The following CACNA1C variants were observed in gnomAD, a reference collection of about 807,000 sequenced individuals.
CACNA1C encodes the protein calcium voltage-gated channel subunit alpha1 C.
A neutral mutation model predicts 229.0 loss-of-function variants in CACNA1C; 30 were observed. The ratio of observed to expected loss-of-function variants is 0.13; its 90% CI spans 0.10 to 0.18. The LOEUF is 0.18. Among genes scored for constraint, CACNA1C ranks in the 10% least tolerant of loss-of-function variants. The pLI is 1.00. For synonymous variants in CACNA1C, 1,114 were observed against 1,132.5 expected (o/e 0.98, Z 0.33); for missense variants, 1,658 against 2,845.0 (o/e 0.58, Z 9.49).
At chr12:2,166,651 G>A (rs1001035236) in intron 3 of CACNA1C, among the ~76,000 whole-genome samples, 4 of 152,228 alleles carry the variant, frequency 2.6e-5, no homozygotes, top group African/African-American at 7.2e-5. Flanking sequence ...CCCTCATAGC[G>A]TTGTTAGGAG....
At chr12:2,329,721 T>G (rs2154513486) in intron 3 of CACNA1C, among the ~76,000 whole-genome samples, 1 of 152,304 alleles carries the variant, frequency 6.6e-6, no homozygotes, top group African/African-American at 2.4e-5. Flanking sequence ...CTTTATGAAG[T>G]TCACATTAGA....
chr12:2,257,543 G>C (rs1179911066), intron 3 of CACNA1C, among the ~76,000 whole-genome samples: 3 of 152,240 alleles, frequency 2.0e-5, no homozygotes, highest in Non-Finnish European at 4.4e-5. Flanking sequence ...TGCTGCTGCT[G>C]ATCTGACAGG....
At chr12:2,358,325 G>T (rs1168274697) in intron 3 of CACNA1C, among the ~76,000 whole-genome samples, 1 of 148,336 alleles carries the variant, frequency 6.7e-6, no homozygotes, top group African/African-American at 2.5e-5. Context: ...GTCATCTTCA[G>T]CATATCCAGT....
At chr12:2,445,652 G>A (rs780242377) in intron 3 of CACNA1C, among the ~76,000 whole-genome samples, 1 of 152,086 alleles carries the variant, frequency 6.6e-6, no homozygotes, top group Non-Finnish European at 1.5e-5. Flanking sequence ...CAGTAAACCT[G>A]TACCCAAGTG....
intron 45 of CACNA1C, 76 bp from the exon 46 acceptor site, chr12:2,688,371 G>A: frequency 7.2e-7 from 1 of 1,379,600 alleles, no homozygotes; most frequent in South Asian, 1.2e-5. Flanking sequence ...GCAAAGCAGT[G>A]CTTGCTCAGA....
chr12:2,403,972 G>A lies in CACNA1C; in HGVS notation c.478-45004G>A, dbSNP rs2098707556. Among the ~76,000 whole-genome samples, 1 of 152,194 alleles carries A rather than the reference G, an allele frequency of 6.6e-6. No individual in the cohort carries two copies. Among genetic ancestry groups the A allele is most frequent in the African/African-American group, 2.4e-5 (1 of 41,440 alleles). On this transcript the variant is annotated intron_variant, in intron 3 of 46. Transcript: ENST00000399655. This position sits in a 1 kb window ranked among gnomAD's most constrained non-coding sequence, Gnocchi z 4.1. ...GAAATCCTCTAGTCAGAATGTCCTT[G>A]CTGTGTACCAGGGCACACTGTGGGC...
intron 30 of CACNA1C, 45 bp from the exon 31 acceptor site, chr12:2,648,430 A>G (rs1283326941): frequency 6.3e-7 from 1 of 1,592,438 alleles, no homozygotes; most frequent in Admixed American, 1.7e-5. Flanking sequence ...GGGCATCTTC[A>G]TGGGAGACTC....
chr12:2,030,180 T>C (rs2429145), intron 1 of CACNA1C, among the ~76,000 whole-genome samples: 7,288 of 152,230 alleles, frequency 0.048, 592 homozygotes, highest in African/African-American at 0.17. Context: ...GGTGAATTTC[T>C]TGTCTATAAA....
intron 3 of CACNA1C, among the ~76,000 whole-genome samples, chr12:2,417,939 C>A (rs1157200035): frequency 3.3e-5 from 5 of 152,142 alleles, no homozygotes; most frequent in African/African-American, 4.8e-5. Context: ...TGTGCGGGGC[C>A]TCCCAGGTAC....
At chr12:2,267,794 C>G (rs2082971899) in intron 3 of CACNA1C, among the ~76,000 whole-genome samples, 2 of 152,134 alleles carry the variant, frequency 1.3e-5, no homozygotes, top group South Asian at 4.2e-4. Flanking sequence ...GAGGAAGGAG[C>G]CTGCTGGAAT....
rs9783453 is a variant in CACNA1C at position 2,059,570 on chromosome 12, A to G, written c.49+5959A>G. On this transcript the variant is annotated intron_variant, in intron 1 of 46. Transcript: ENST00000399655. Reference sequence around the variant, plus strand: ...GAACAGTTCTCTGCAAAACACCTTCACTTTAAAATGGGCTTCTTGTGCTAT... The same window carrying G: ...GAACAGTTCTCTGCAAAACACCTTCGCTTTAAAATGGGCTTCTTGTGCTAT... Among the ~76,000 whole-genome samples, 89 of 152,084 alleles carry G rather than the reference A, an allele frequency of 5.9e-4. 1 individual carries two copies. Among genetic ancestry groups the G allele is most frequent in the African/African-American group, 1.9e-3 (77 of 41,462 alleles).
Position 2,142,987 on chromosome 12 carries a change from G to T in CACNA1C, c.477+22557G>T, listed in dbSNP as rs79293664. Reference sequence around the variant, plus strand: ...AGAAAATCTTTAAATTTTTTTTTTTGTTTTTTGAGACGGAGTCTCTCTCTG... The same window carrying T: ...AGAAAATCTTTAAATTTTTTTTTTTTTTTTTTGAGACGGAGTCTCTCTCTG... On this transcript the variant is annotated intron_variant, in intron 3 of 46. Coordinates refer to ENST00000399655, the MANE Select transcript of CACNA1C (RefSeq NM_000719.7). Among the ~76,000 whole-genome samples, 1,441 of 147,710 alleles carry T rather than the reference G, an allele frequency of 9.8e-3. 29 individuals carry two copies. Among genetic ancestry groups the T allele is most frequent in the African/African-American group, 0.033 (1,343 of 40,438 alleles).
intron 5 of CACNA1C, among the ~76,000 whole-genome samples, chr12:2,460,637 T>C (rs968613747): frequency 1.3e-5 from 2 of 152,178 alleles, no homozygotes; most frequent in Non-Finnish European, 2.9e-5. Flanking sequence ...GTAACACTCC[T>C]AGGAATTCTC....
chr12:2,123,193 G>A (rs565867548), intron 3 of CACNA1C, among the ~76,000 whole-genome samples: 89 of 152,098 alleles, frequency 5.9e-4, no homozygotes, highest in African/African-American at 2.1e-3. Flanking sequence ...TGGCTAACAC[G>A]GTAAAACCCC....
intron 3 of CACNA1C, among the ~76,000 whole-genome samples, chr12:2,210,241 C>T (rs2097878978): frequency 6.6e-6 from 1 of 152,114 alleles, no homozygotes; most frequent in Admixed American, 6.5e-5. Context: ...TGGGGTATGC[C>T]TATGTTTCAA....
intron 3 of CACNA1C, among the ~76,000 whole-genome samples, chr12:2,305,596 C>T (rs1444184706): frequency 3.3e-5 from 5 of 152,188 alleles, no homozygotes; most frequent in Non-Finnish European, 7.3e-5. Flanking sequence ...GTAGTCCCAG[C>T]TCTTTGGGAG....
intron 3 of CACNA1C, among the ~76,000 whole-genome samples, chr12:2,237,377 C>T (rs979474171): frequency 6.6e-6 from 1 of 152,152 alleles, no homozygotes; most frequent in African/African-American, 2.4e-5. Context: ...TCCACTGAGG[C>T]CTGTGACAGG....
rs150983035 is a variant in CACNA1C, at chr12:2,216,894, C to T, written c.477+96464C>T. ...ATCCTGATTTTAATTCACAGCGGCA[C>T]ATTCTAAAAGTATACTCCAGGATTT... On this transcript the variant is annotated intron_variant, in intron 3 of 46. Transcript: ENST00000399655. Among the ~76,000 whole-genome samples, 1,083 of 152,310 alleles carry T rather than the reference C, an allele frequency of 7.1e-3. 13 individuals carry two copies. Among genetic ancestry groups the T allele is most frequent in the African/African-American group, 0.025 (1,045 of 41,550 alleles).
intron 9 of CACNA1C, among the ~76,000 whole-genome samples, chr12:2,533,871 G>T (rs1201494159): frequency 1.3e-5 from 2 of 152,202 alleles, no homozygotes; most frequent in Non-Finnish European, 2.9e-5. Context: ...TCCCCAGGTT[G>T]TTGGGAGCAT....
Sources: gnomAD v4.1 joint callset for allele counts (sites outside exome capture counted in the v4.1 genomes callset) on GRCh38, gnomAD v4.1.1 for gene constraint, Gnocchi (gnomAD v3.1) non-coding constraint, MANE v1.5 for transcripts, NCBI Gene and HGNC (gene_info 2026-07-23, HGNC 2026-07-21) for gene names.